The following NOX5 variants were observed in gnomAD, a reference collection of about 807,000 sequenced individuals.
NOX5 encodes NADPH oxidase, EF-hand calcium binding domain 5.
In NOX5, 76 loss-of-function variants were observed where a neutral mutation model predicts 85.7. The ratio of observed to expected loss-of-function variants is 0.89; its 90% CI spans 0.74 to 1.07. NOX5 has a LOEUF of 1.07. Ranked by LOEUF, NOX5 falls within the 50% of genes least tolerant of loss-of-function variation. The probability of loss-of-function intolerance (pLI) is 0.00; values close to 1 mark genes in which losing one functional copy is unlikely to be tolerated. For synonymous variants in NOX5, 405 were observed against 401.4 expected, an observed-to-expected ratio of 1.01 and a Z score of -0.11; for missense variants, 973 against 999.5, an observed-to-expected ratio of 0.97 and a Z score of 0.36.
At chr15:69,050,838 A>G (rs2050739686) in intron 14 of NOX5, among the ~76,000 whole-genome samples, 1 of 152,212 alleles carries the variant, frequency 6.6e-6, no homozygotes, top group Admixed American at 6.5e-5. Flanking sequence ...CCCCAGTACT[A>G]AGGTGATACA....
chr15:69,031,275 T>C, intron 3 of NOX5: 1 of 544,610 alleles, frequency 1.8e-6, no homozygotes, highest in Non-Finnish European at 3.2e-6. Context: ...GGGCAGATAG[T>C]CTTGGAAGTT....
intron 14 of NOX5, among the ~76,000 whole-genome samples, chr15:69,049,984 C>A (rs900596838): frequency 6.6e-6 from 1 of 152,202 alleles, no homozygotes; most frequent in African/African-American, 2.4e-5. Flanking sequence ...TTGCAGTCAA[C>A]ACCCTCCCCT....
At chr15:69,021,074 A>T (rs2050290346) in intron 1 of NOX5, among the ~76,000 whole-genome samples, 1 of 151,514 alleles carries the variant, frequency 6.6e-6, no homozygotes, top group African/African-American at 2.4e-5. Flanking sequence ...TTTTTTTTTT[A>T]AAGTGACCTT....
chr15:69,031,794 T>A lies in NOX5; in HGVS notation c.602T>A (p.Met201Lys). ...RDELQRFPGV[M>K]ENLTISAAHW... ...GAGCTGCAGCGCTTCCCCGGAGTCA[T>A]GGAGAACCTGACCATCAGGTACGGC... Residue 201 changes from methionine to lysine, a missense_variant, in exon 4 of 16, where the codon ATG becomes AAG. Physicochemically the swap from Met to Lys is moderately conservative, Grantham distance 95 (BLOSUM62 -1). Transcript: ENST00000388866. 6.2e-7 allele frequency: 1 copy of A among 1,600,250 alleles called. No individual in the cohort carries two copies. The highest frequency in any genetic ancestry group is 1.1e-5 in the South Asian group (1 of 90,536).
intron 10 of NOX5, among the ~76,000 whole-genome samples, chr15:69,045,695 T>C (rs2050664938): frequency 6.6e-6 from 1 of 151,768 alleles, no homozygotes; most frequent in South Asian, 2.1e-4. Context: ...TTCTTTTCTT[T>C]CTTTCCTTTC....
intron 5 of NOX5, among the ~76,000 whole-genome samples, chr15:69,034,037 G>A (rs1056072189): frequency 6.6e-6 from 1 of 151,988 alleles, no homozygotes; most frequent in Non-Finnish European, 1.5e-5. Flanking sequence ...TAAAACAAAA[G>A]CCCTCTTATG....
At position 69,026,555 on chromosome 15, in the gene NOX5, G is replaced by T; in HGVS notation, c.78G>T (p.Arg26Ser). Residue 26 changes from arginine to serine, a missense_variant, in exon 2 of 16, where the codon AGG becomes AGT. Coordinates refer to ENST00000388866, the MANE Select transcript of NOX5 (RefSeq NM_024505.4). The part of the protein sequence containing the change: ...RGTMSAEEDA[R>S]WLRWVTQQFK... ...CCATGAGTGCCGAGGAGGATGCCAGGTGGCTCCGGTGGGTGACTCAGCAGT... is the reference window on the plus strand; with the variant it reads ...CCATGAGTGCCGAGGAGGATGCCAGTTGGCTCCGGTGGGTGACTCAGCAGT... 4 of 1,614,180 alleles carry T rather than the reference G, an allele frequency of 2.5e-6. No individual in the cohort carries two copies. Among genetic ancestry groups the T allele is most frequent in the Non-Finnish European group, 2.5e-6 (3 of 1,180,026 alleles).
At chr15:69,047,326 G>A in intron 11 of NOX5, 87 bp from the exon 12 acceptor site, 1 of 1,463,190 alleles carries the variant, frequency 6.8e-7, no homozygotes, top group Non-Finnish European at 9.0e-7. Context: ...TATAAAGGGG[G>A]TTCTGAAGCC....
intron 10 of NOX5, 137 bp downstream of exon 10, chr15:69,042,942 C>A: frequency 2.3e-6 from 2 of 879,266 alleles, no homozygotes; most frequent in Non-Finnish European, 3.4e-6. Context: ...GGTTAGGCAA[C>A]TGCTAACTCC....
chr15:69,033,807 G>A (rs1271655967), intron 5 of NOX5, among the ~76,000 whole-genome samples: 1 of 146,456 alleles, frequency 6.8e-6, no homozygotes, highest in South Asian at 2.1e-4. Flanking sequence ...CGATCCTCCT[G>A]CCTCAGCCTC....
intron 2 of NOX5, 47 bp downstream of exon 2, chr15:69,026,698 C>A: frequency 6.2e-7 from 1 of 1,612,188 alleles, no homozygotes; most frequent in Non-Finnish European, 8.5e-7. Flanking sequence ...CGTTATGTGG[C>A]CTGGTTCTCA....
intron 4 of NOX5, among the ~76,000 whole-genome samples, 177 bp downstream of exon 4, chr15:69,031,989 C>T (rs2050441314): frequency 6.6e-6 from 1 of 152,140 alleles, no homozygotes; most frequent in African/African-American, 2.4e-5. Context: ...CCTCCACTTC[C>T]TGCAGTGTCT....
intron 1 of NOX5, among the ~76,000 whole-genome samples, 195 bp downstream of exon 1, chr15:69,014,980 TC>T (rs778154790): frequency 2.0e-5 from 3 of 152,188 alleles, no homozygotes; most frequent in Non-Finnish European, 4.4e-5. Flanking sequence ...GTCTGTTTTC[TC>T]ATCTGTAAAA....
At position 69,059,138 on chromosome 15, in the gene NOX5, G is replaced by A. The variant is rs1347488826; in HGVS notation, c.*2442G>A. The A allele has an allele frequency of 6.6e-6, 1 of 152,210 alleles. No individual in the cohort carries two copies. Among genetic ancestry groups the A allele is most frequent in the African/African-American group, 2.4e-5 (1 of 41,450 alleles). The allele number at this position is 152,210 out of a possible 1,614,324, so 9.4% of individuals were successfully genotyped here. ...TTCGTTTAGGACTTAATAATATAGT[G>A]GGTGGGAGCAGGTGGAAGGACTTGG... On this transcript the variant is annotated 3_prime_UTR_variant, in exon 16 of 16. Coordinates refer to ENST00000388866, the MANE Select transcript of NOX5 (RefSeq NM_024505.4).
At chr15:69,048,060 A>C in intron 13 of NOX5, 149 bp downstream of exon 13, 1 of 664,210 alleles carries the variant, frequency 1.5e-6, no homozygotes, top group Non-Finnish European at 2.6e-6. Flanking sequence ...AATTCTCTTA[A>C]ATGAGTTATC....
intron 5 of NOX5, among the ~76,000 whole-genome samples, chr15:69,033,664 C>A (rs1313437519): frequency 2.0e-5 from 3 of 150,976 alleles, no homozygotes; most frequent in African/African-American, 7.3e-5. Flanking sequence ...ATGGATGAGG[C>A]CTCTAAGAGG....
chr15:69,047,642 C>G, intron 12 of NOX5, 105 bp downstream of exon 12: 1 of 1,426,436 alleles, frequency 7.0e-7, no homozygotes, highest in Non-Finnish European at 9.5e-7. Context: ...TTTCACCTGT[C>G]TCTCTCTGCT....
intron 4 of NOX5, 120 bp from the exon 5 acceptor site, chr15:69,032,923 A>G (rs2050457051): frequency 1.5e-6 from 2 of 1,379,054 alleles, no homozygotes; most frequent in African/African-American, 1.5e-5. Flanking sequence ...TCCTGGTGTG[A>G]AGAAAGCCGG....
intron 14 of NOX5, among the ~76,000 whole-genome samples, chr15:69,053,416 T>G (rs891726622): frequency 5.3e-5 from 8 of 152,184 alleles, no homozygotes; most frequent in African/African-American, 1.9e-4. Context: ...TAATAGTAAC[T>G]GCTTAATACA....
Sources: gnomAD v4.1 joint callset for allele counts (sites outside exome capture counted in the v4.1 genomes callset) on GRCh38, gnomAD v4.1.1 for gene constraint, MANE v1.5 for transcripts, NCBI Gene and HGNC (gene_info 2026-07-23, HGNC 2026-07-21) for gene names.